TLL1: variants seen among roughly 807,000 people sequenced by gnomAD.
The protein encoded by TLL1 is tolloid like 1.
A neutral mutation model predicts 128.2 loss-of-function variants in TLL1; 49 were observed. The ratio of observed to expected loss-of-function variants is 0.38; its 90% CI spans 0.30 to 0.48. The LOEUF (loss-of-function observed/expected upper bound fraction) is 0.48, where lower values mean the gene tolerates loss of function less well. Among genes scored for constraint, TLL1 ranks in the 20% least tolerant of loss-of-function variants. The pLI, the probability that TLL1 is intolerant of heterozygous loss-of-function variation, is 0.96. For missense variants in TLL1, 1,123 were observed against 1,242.0 expected (o/e 0.90, Z 1.44); for synonymous variants, 454 against 418.8 (o/e 1.08, Z -1.03).
chr4:165,885,330 C>T (rs144428802), intron 1 of TLL1, among the ~76,000 whole-genome samples: 6 of 152,080 alleles, frequency 3.9e-5, no homozygotes, highest in African/African-American at 1.4e-4. Context: ...AGCAAGAGCT[C>T]CTCTCAAGTG....
chr4:165,916,061 G>C (rs184922934), intron 1 of TLL1, among the ~76,000 whole-genome samples: 1 of 152,174 alleles, frequency 6.6e-6, no homozygotes, highest in Non-Finnish European at 1.5e-5. Flanking sequence ...GTGAAAGGCA[G>C]AGTGGTTTAA....
At position 166,021,743 on chromosome 4, in the gene TLL1, C is replaced by A. The variant is rs375001710; in HGVS notation, c.1043-3573C>A. On this transcript the variant is annotated intron_variant, in intron 8 of 20. Coordinates refer to ENST00000061240, the MANE Select transcript of TLL1 (RefSeq NM_012464.5). ...ACCGCGCCTGGCCTATTTTTGCCCT[C>A]TTAGTATCTCACATTCCTGTAGTGA... is the stretch of plus-strand genomic sequence containing the variant. Among the ~76,000 whole-genome samples the A allele has an allele frequency of 4.6e-5, 7 of 152,028 alleles. No individual in the cohort carries two copies. In the East Asian group the frequency reaches 7.7e-4, roughly 17 times the overall value.
intron 1 of TLL1, among the ~76,000 whole-genome samples, chr4:165,902,016 G>A (rs1014771231): frequency 3.0e-4 from 45 of 152,158 alleles, no homozygotes; most frequent in African/African-American, 9.9e-4. Context: ...TGCCGAGTTC[G>A]AACTTCTGGG....
At chr4:165,974,541 A>G (rs1735785627) in intron 1 of TLL1, among the ~76,000 whole-genome samples, 1 of 152,110 alleles carries the variant, frequency 6.6e-6, no homozygotes. Flanking sequence ...TTAATGATTC[A>G]TTAATTGTGA....
intron 1 of TLL1, among the ~76,000 whole-genome samples, chr4:165,923,077 C>A (rs1025967699): frequency 3.3e-5 from 5 of 152,172 alleles, no homozygotes; most frequent in African/African-American, 1.2e-4. Flanking sequence ...TTCAGTTTGG[C>A]TTGGCATTGA....
chr4:165,893,813 T>C (rs1279241244), intron 1 of TLL1, among the ~76,000 whole-genome samples: 1 of 152,130 alleles, frequency 6.6e-6, no homozygotes, highest in African/African-American at 2.4e-5. Context: ...TTAACCCTAA[T>C]TTAAACACTC....
At chr4:166,036,593 A>G (rs143097562) in intron 9 of TLL1, among the ~76,000 whole-genome samples, 1,707 of 152,282 alleles carry the variant, frequency 0.011, 35 homozygotes, top group African/African-American at 0.037. Flanking sequence ...GTCAAAGGCC[A>G]GAATTTTATG....
chr4:166,022,831 T>C (rs1299261856), intron 8 of TLL1, among the ~76,000 whole-genome samples: 3 of 152,174 alleles, frequency 2.0e-5, no homozygotes, highest in African/African-American at 4.8e-5. Flanking sequence ...TCACATGATA[T>C]AAGGTTTTGT....
intron 18 of TLL1, among the ~76,000 whole-genome samples, chr4:166,085,306 G>A (rs7694387): frequency 0.11 from 15,964 of 149,360 alleles, 1,073 homozygotes; most frequent in Middle Eastern, 0.19. Context: ...TAGGACCTCC[G>A]GTACTATACT....
At chr4:165,899,193 G>A (rs1161001310) in intron 1 of TLL1, among the ~76,000 whole-genome samples, 2 of 151,956 alleles carry the variant, frequency 1.3e-5, no homozygotes, top group African/African-American at 4.8e-5. Context: ...TTGATTTTTT[G>A]AAGGGTTTTT....
chr4:165,890,580 C>G (rs1330026025), intron 1 of TLL1, among the ~76,000 whole-genome samples: 1 of 152,220 alleles, frequency 6.6e-6, no homozygotes, highest in Non-Finnish European at 1.5e-5. Context: ...GCAGTCAAAT[C>G]TTATAGCTCT....
intron 18 of TLL1, among the ~76,000 whole-genome samples, chr4:166,089,033 A>G (rs561708130): frequency 9.9e-5 from 15 of 152,228 alleles, no homozygotes; most frequent in Admixed American, 7.2e-4. Context: ...CAACTTTCTT[A>G]AAATACTCTC....
Position 165,958,087 on chromosome 4 carries a change from C to A in TLL1, c.170-31294C>A, listed in dbSNP as rs1446388717. 2.0e-5 allele frequency among the ~76,000 whole-genome samples: 3 copies of A among 148,088 alleles called. No homozygotes were observed. The East Asian group carries it at 6.0e-4, about 30-fold the overall frequency. On this transcript the variant is annotated intron_variant, in intron 1 of 20. Transcript: ENST00000061240. ...AGTATTCCATGGTGTATATGTGCCA[C>A]ATTTTCTTAATCCAGTCTATCATTG...
intron 9 of TLL1, among the ~76,000 whole-genome samples, chr4:166,028,382 T>G (rs1738603414): frequency 6.6e-6 from 1 of 152,034 alleles, no homozygotes; most frequent in Non-Finnish European, 1.5e-5. Context: ...TGAGTCACCT[T>G]TAGGTAAAGC....
At chr4:166,002,261 C>T (rs1426452807) in intron 5 of TLL1, among the ~76,000 whole-genome samples, 2 of 152,062 alleles carry the variant, frequency 1.3e-5, no homozygotes, top group Non-Finnish European at 2.9e-5. Flanking sequence ...TTCATAAAGG[C>T]AGAGTCCTCC....
chr4:165,990,355 A>G (rs1023819246), intron 2 of TLL1, among the ~76,000 whole-genome samples: 8 of 151,900 alleles, frequency 5.3e-5, no homozygotes, highest in African/African-American at 1.9e-4. Context: ...ATTTTCTCCT[A>G]TTCTGTGGAA....
intron 1 of TLL1, among the ~76,000 whole-genome samples, chr4:165,891,908 C>A (rs1016011696): frequency 1.3e-5 from 2 of 152,140 alleles, no homozygotes; most frequent in African/African-American, 4.8e-5. Flanking sequence ...CTACAAGTAC[C>A]AATTTACTGT....
intron 5 of TLL1, among the ~76,000 whole-genome samples, chr4:166,001,191 C>T (rs890508891): frequency 3.3e-5 from 5 of 152,092 alleles, no homozygotes; most frequent in African/African-American, 7.2e-5. Context: ...TCAGAAGAGG[C>T]GGTTGGCAAT....
intron 9 of TLL1, among the ~76,000 whole-genome samples, chr4:166,027,704 T>A (rs1169620756): frequency 6.6e-6 from 1 of 152,142 alleles, no homozygotes; most frequent in East Asian, 1.9e-4. Flanking sequence ...AGATACAAAT[T>A]TTGAGAACAA....
Sources: gnomAD v4.1 joint callset for allele counts (sites outside exome capture counted in the v4.1 genomes callset) on GRCh38, gnomAD v4.1.1 for gene constraint, MANE v1.5 for transcripts, NCBI Gene and HGNC (gene_info 2026-07-23, HGNC 2026-07-21) for gene names.